ABCB11: variants seen among roughly 807,000 people sequenced by gnomAD.
ABCB11 encodes the protein ATP binding cassette subfamily B member 11, also known as bile salt export pump.
A neutral mutation model predicts 148.0 loss-of-function variants in ABCB11; 95 were observed. That is an observed-to-expected ratio of 0.64 (90% CI 0.54 to 0.76). ABCB11 has a LOEUF of 0.76. Ranked by LOEUF, ABCB11 falls within the 30% of genes least tolerant of loss-of-function variation. The probability of loss-of-function intolerance (pLI) is 0.00; values close to 1 mark genes in which losing one functional copy is unlikely to be tolerated. For missense variants in ABCB11, 1,523 were observed against 1,617.8 expected, an observed-to-expected ratio of 0.94 and a Z score of 1.01; for synonymous variants, 591 against 555.4, an observed-to-expected ratio of 1.06 and a Z score of -0.90.
chr2:169,002,228 T>C (rs1694897806), intron 5 of ABCB11, among the ~76,000 whole-genome samples: 2 of 152,078 alleles, frequency 1.3e-5, no homozygotes, highest in East Asian at 1.9e-4. Context: ...TATGGAGATA[T>C]ATGCACCTAA....
intron 5 of ABCB11, among the ~76,000 whole-genome samples, chr2:169,011,480 A>G (rs936494925): frequency 1.3e-5 from 2 of 152,232 alleles, no homozygotes; most frequent in Non-Finnish European, 2.9e-5. Flanking sequence ...CCAATTTTAG[A>G]AAAGAAACAT....
rs764748260 is a variant in ABCB11, at chr2:168,969,427, T to C, written c.1934A>G (p.Glu645Gly). The change falls in exon 16 of 28, where the codon GAA (glutamate) becomes GGA (glycine). Residue 645 changes from glutamate (E) to glycine (G), a missense_variant. Coordinates refer to ENST00000650372, the MANE Select transcript of ABCB11 (RefSeq NM_003742.4). ...VERGTHEELL[E>G]RKGVYFTLVT... is the part of the protein sequence containing the mutation. ...TAGAGTGAAGTAAACACCTTTCCTTTCCAGTAATTCTTCATGGGTCCCTCT... is the reference window on the plus strand; with the variant it reads ...TAGAGTGAAGTAAACACCTTTCCTTCCCAGTAATTCTTCATGGGTCCCTCT... 3 of 1,612,546 alleles carry C rather than the reference T, an allele frequency of 1.9e-6. No homozygotes were observed. The highest frequency in any genetic ancestry group is 1.7e-5 in the Admixed American group (1 of 59,808).
intron 26 of ABCB11, among the ~76,000 whole-genome samples, chr2:168,926,244 C>T (rs1053421742): frequency 6.6e-5 from 10 of 152,080 alleles, no homozygotes; most frequent in East Asian, 3.9e-4. Flanking sequence ...CAATATTGCG[C>T]GAAATCTGGA....
rs752938097 is a variant in ABCB11 at position 168,986,130 on chromosome 2, T to C, written c.1063A>G (p.Thr355Ala). The part of the protein sequence containing the change: ...STLVLDEGEY[T>A]PGTLVQIFLS... The stretch of plus-strand genomic sequence containing the variant: ...GGTACCTGGACAAGGGTTCCTGGTG[T>C]ATATTCTCCTTCATCCAGGACAAGT... Residue 355 changes from threonine (T) to alanine (A), a missense_variant, in exon 10 of 28, where the codon ACA (threonine) becomes GCA (alanine). Physicochemically the swap from Thr to Ala is moderately conservative, Grantham distance 58. Coordinates refer to ENST00000650372, the MANE Select transcript of ABCB11 (RefSeq NM_003742.4). 1.9e-6 allele frequency: 3 copies of C among 1,610,628 alleles called. No homozygotes were observed. The highest frequency in any genetic ancestry group is 2.5e-6 in the Non-Finnish European group (3 of 1,178,206).
At chr2:168,947,537 G>A (rs1046520712) in intron 19 of ABCB11, among the ~76,000 whole-genome samples, 1 of 151,648 alleles carries the variant, frequency 6.6e-6, no homozygotes, top group Admixed American at 6.6e-5. Context: ...TTCCCACAGT[G>A]TGGTCTCAAT....
downstream of ABCB11, among the ~76,000 whole-genome samples, chr2:168,918,274 G>C (rs74648148): frequency 0.042 from 6,444 of 152,218 alleles, 149 homozygotes; most frequent in Middle Eastern, 0.11. Flanking sequence ...TAAAGCACTG[G>C]GGACATTAAG....
chr2:169,014,080 C>T (rs1391882734), intron 4 of ABCB11, among the ~76,000 whole-genome samples: 1 of 152,072 alleles, frequency 6.6e-6, no homozygotes, highest in African/African-American at 2.4e-5. Context: ...TGATAATTTT[C>T]CAAGACATTT....
chr2:169,002,683 A>C (rs899403066), intron 5 of ABCB11, among the ~76,000 whole-genome samples: 1 of 152,206 alleles, frequency 6.6e-6, no homozygotes, highest in African/African-American at 2.4e-5. Flanking sequence ...CCAGGCACAG[A>C]AAGACAAATA....
At chr2:168,943,356 A>G (rs991392750) in intron 21 of ABCB11, among the ~76,000 whole-genome samples, 1 of 151,948 alleles carries the variant, frequency 6.6e-6, no homozygotes, top group Non-Finnish European at 1.5e-5. Context: ...ACATTTTGAG[A>G]ACTAAGAAAA....
intron 18 of ABCB11, among the ~76,000 whole-genome samples, chr2:168,959,014 G>A (rs1181129497): frequency 6.6e-6 from 1 of 151,760 alleles, no homozygotes; most frequent in East Asian, 2.0e-4. Context: ...CGACTATAAA[G>A]CTTAATTAGT....
In ABCB11 at chr2:168,922,529, A is replaced by G. The variant is rs944997756; in HGVS notation, c.*1093T>C. ...TTGAAACTTTCTAGGGGTCTGTGGT[A>G]CAAAACAGGATGTTTCTAGGCTCCC... On this transcript the variant is annotated 3_prime_UTR_variant, in exon 28 of 28. Coordinates refer to ENST00000650372, the MANE Select transcript of ABCB11 (RefSeq NM_003742.4). Among the ~76,000 whole-genome samples, 4 of 152,192 alleles carry G rather than the reference A, an allele frequency of 2.6e-5. No individual in the cohort carries two copies. Among genetic ancestry groups the G allele is most frequent in the African/African-American group, 9.7e-5 (4 of 41,446 alleles).
intron 19 of ABCB11, among the ~76,000 whole-genome samples, chr2:168,955,474 T>G (rs1037159542): frequency 2.0e-5 from 3 of 151,540 alleles, no homozygotes; most frequent in Admixed American, 6.6e-5. Flanking sequence ...TACACACTTT[T>G]ATCAGATTTT....
At chr2:169,011,530 G>A (rs749659216) in intron 5 of ABCB11, among the ~76,000 whole-genome samples, 1 of 152,132 alleles carries the variant, frequency 6.6e-6, no homozygotes, top group Non-Finnish European at 1.5e-5. Flanking sequence ...GAATAAGTAG[G>A]CTTGTTGTTT....
intron 8 of ABCB11, among the ~76,000 whole-genome samples, chr2:168,993,125 C>T (rs1694595088): frequency 6.6e-6 from 1 of 152,030 alleles, no homozygotes; most frequent in Non-Finnish European, 1.5e-5. Flanking sequence ...TCACCTCTCT[C>T]TGAAAGAGGT....
At chr2:168,932,143 C>T (rs1303399709) in intron 24 of ABCB11, among the ~76,000 whole-genome samples, 2 of 152,156 alleles carry the variant, frequency 1.3e-5, no homozygotes, top group Admixed American at 1.3e-4. Context: ...TCTCCTAATG[C>T]TATCCCTCCC....
chr2:168,969,240 T>G (rs1413294724), intron 16 of ABCB11, 110 bp downstream of exon 16: 1 of 1,020,086 alleles, frequency 9.8e-7, no homozygotes, highest in South Asian at 1.6e-5. Context: ...ATATAACGCC[T>G]GCCAGAGTTG....
chr2:168,946,235 G>A (rs947911080), intron 19 of ABCB11, among the ~76,000 whole-genome samples: 14 of 151,770 alleles, frequency 9.2e-5, no homozygotes, highest in Admixed American at 3.3e-4. Context: ...ATTAATTTGA[G>A]TCATTAAAAC....
intron 19 of ABCB11, among the ~76,000 whole-genome samples, chr2:168,949,405 T>C (rs552877229): frequency 1.3e-5 from 2 of 151,740 alleles, no homozygotes; most frequent in African/African-American, 4.8e-5. Flanking sequence ...CCTGTATGTC[T>C]ATGTTTACCC....
intron 6 of ABCB11, among the ~76,000 whole-genome samples, chr2:168,995,975 TAAAAA>T (rs3083997): frequency 3.2e-5 from 2 of 63,030 alleles, no homozygotes; most frequent in African/African-American, 6.4e-5. Context: ...TTTCCCTAAC[TAAAAA>T]AAAAAAAAAA....
Sources: allele counts gnomAD v4.1 joint callset (sites outside exome capture counted in the v4.1 genomes callset), GRCh38; gene constraint gnomAD v4.1.1; transcripts MANE v1.5; gene names NCBI Gene and HGNC (gene_info 2026-07-23, HGNC 2026-07-21).